NPHS2: variants seen among roughly 807,000 people sequenced by gnomAD.
NPHS2 encodes the protein podocin.
NPHS2 carries 36 observed loss-of-function variants against 37.1 expected under a neutral mutation model. The ratio of observed to expected loss-of-function variants is 0.97; its 90% CI spans 0.74 to 1.28. NPHS2 has a LOEUF of 1.28. NPHS2 is among the 50% of genes most tolerant of loss of function. NPHS2 has a pLI of 0.00. For missense variants in NPHS2, 447 were observed against 488.1 expected (o/e 0.92, Z 0.79); for synonymous variants, 196 against 189.3 (o/e 1.04, Z -0.29).
In NPHS2 at chr1:179,552,418, G is replaced by T. The variant is rs140018411; in HGVS notation, c.873+185C>A. Reference sequence around the variant, plus strand: ...TATTATCAGTAGCTTCAGAGAGGGAGAGGAGTTGCATTAGTCAGGGGACTA... The same window carrying T: ...TATTATCAGTAGCTTCAGAGAGGGATAGGAGTTGCATTAGTCAGGGGACTA... On this transcript the variant is annotated intron_variant, in intron 7 of 7. Transcript: ENST00000367615. The T allele has an allele frequency of 8.0e-5, 51 of 638,346 alleles. 1 individual carries two copies. The highest frequency in any genetic ancestry group is 7.3e-4 in the African/African-American group (41 of 55,802). 39.5% of individuals were successfully genotyped at this position (638,346 alleles called of 1,614,324 possible). A position where few individuals can be genotyped will look rare whatever the true frequency, so the allele number is the denominator to read the frequency against.
chr1:179,562,308 C>T (rs1306456797), intron 2 of NPHS2, among the ~76,000 whole-genome samples: 1 of 152,220 alleles, frequency 6.6e-6, no homozygotes, highest in South Asian at 2.1e-4. Flanking sequence ...AGTTCAATTG[C>T]GTGTTTATCA....
chr1:179,551,625 A>G (rs776869641), intron 7 of NPHS2, 174 bp from the exon 8 acceptor site: 2 of 690,516 alleles, frequency 2.9e-6, no homozygotes, highest in Non-Finnish European at 4.9e-6. Flanking sequence ...GAGACAGATT[A>G]AACTGTTAAT....
Position 179,556,765 on chromosome 1 carries a change from A to G in NPHS2, c.738+262T>C, listed in dbSNP as rs1015726830. On this transcript the variant is annotated intron_variant, in intron 5 of 7. Coordinates refer to ENST00000367615, the MANE Select transcript of NPHS2 (RefSeq NM_014625.4). This position sits in a 1 kb window ranked among gnomAD's most constrained non-coding sequence, Gnocchi z 4.1. ...GCAATCATTCTGAATACTTAATACT[A>G]GGTGAGTACTTGGAGATGAATTTAA... Among the ~76,000 whole-genome samples the G allele has an allele frequency of 6.6e-5, 10 of 152,100 alleles. No homozygotes were observed. The highest frequency in any genetic ancestry group is 2.4e-4 in the African/African-American group (10 of 41,408).
At chr1:179,570,171 A>T (rs2101879664) in intron 1 of NPHS2, among the ~76,000 whole-genome samples, 1 of 152,300 alleles carries the variant, frequency 6.6e-6, no homozygotes, top group African/African-American at 2.4e-5. Flanking sequence ...CATCACTTTC[A>T]GGTACACAAA....
chr1:179,573,406 C>T (rs879705091), intron 1 of NPHS2, among the ~76,000 whole-genome samples: 3 of 152,196 alleles, frequency 2.0e-5, no homozygotes, highest in South Asian at 2.1e-4. Flanking sequence ...GAATACTAGG[C>T]ACTACATCCC....
intron 7 of NPHS2, chr1:179,551,657 T>G: frequency 1.7e-6 from 1 of 597,578 alleles, no homozygotes; most frequent in Non-Finnish European, 3.0e-6. Context: ...GTGGAATGCG[T>G]TAGGAGCCAT....
intron 1 of NPHS2, among the ~76,000 whole-genome samples, chr1:179,574,826 T>C (rs1674693787): frequency 6.6e-6 from 1 of 152,230 alleles, no homozygotes; most frequent in Non-Finnish European, 1.5e-5. Context: ...AGACAAAATT[T>C]TCCCAAGAGT....
In NPHS2 at chr1:179,564,772, C is replaced by A; in HGVS notation, c.296G>T (p.Gly99Val). The A allele has an allele frequency of 6.2e-7, 1 of 1,613,874 alleles. No individual in the cohort carries two copies. The highest frequency in any genetic ancestry group is 8.5e-7 in the Non-Finnish European group (1 of 1,179,918). Residue 99 changes from glycine (G) to valine (V), a missense_variant, in exon 2 of 8, where the codon GGG becomes GTG. Transcript: ENST00000367615. Reference sequence around the variant, plus strand: ...GAGGACAAGAAGCCACTCACAGGCCCCTAAGCCGGAGGATTTGGTACCTTA... The same window carrying A: ...GAGGACAAGAAGCCACTCACAGGCCACTAAGCCGGAGGATTTGGTACCTTA... ...PEEGTKSSGLGACEWLLVLIS... is the reference protein window; with the variant it reads ...PEEGTKSSGLVACEWLLVLIS...
At chr1:179,554,698 T>G (rs1035676445) in intron 5 of NPHS2, 167 bp from the exon 6 acceptor site, 12 of 862,740 alleles carry the variant, frequency 1.4e-5, no homozygotes, top group Non-Finnish European at 1.7e-5. Context: ...GTTGTTTAAC[T>G]TGCATGGTGC....
rs1031260460 is a variant in NPHS2, at chr1:179,575,854, C to T, written c.11G>A (p.Arg4Lys). 1.4e-5 allele frequency: 20 copies of T among 1,424,216 alleles called. No homozygotes were observed. Among genetic ancestry groups the T allele is most frequent in the Non-Finnish European group, 1.7e-5 (19 of 1,098,080 alleles). The allele number at this position is 1,424,216 out of a possible 1,614,324, so 88.2% of individuals were successfully genotyped here. A position where few individuals can be genotyped will look rare whatever the true frequency, so the allele number is the denominator to read the frequency against. Residue 4 changes from arginine (R) to lysine (K), a missense_variant, in exon 1 of 8, where the codon AGG (arginine) becomes AAG (lysine). By Grantham distance (26) the Arg-to-Lys change is conservative. Coordinates refer to ENST00000367615, the MANE Select transcript of NPHS2 (RefSeq NM_014625.4). The part of the protein sequence containing the change: MER[R>K]ARSSSRESRG... Reference sequence around the variant, plus strand: ...GGACTCCCTGGAGGAGCTCCGCGCCCTCCTCTCCATCCTCAGAGCTGCCGG... The same window carrying T: ...GGACTCCCTGGAGGAGCTCCGCGCCTTCCTCTCCATCCTCAGAGCTGCCGG...
chr1:179,556,200 G>T lies in NPHS2; in HGVS notation c.738+827C>A, dbSNP rs142701707. Among the ~76,000 whole-genome samples, 2,730 of 152,310 alleles carry T rather than the reference G, an allele frequency of 0.018. 42 individuals are homozygous for T. Among genetic ancestry groups the T allele is most frequent in the Non-Finnish European group, 0.029 (2,005 of 68,024 alleles). On this transcript the variant is annotated intron_variant, in intron 5 of 7. Transcript: ENST00000367615. This position sits in a 1 kb window ranked among gnomAD's most constrained non-coding sequence, Gnocchi z 4.1. The stretch of plus-strand genomic sequence containing the variant: ...CCCATAAAGCATAATTGCCACCAGT[G>T]CCTTTGATTCTTGGGGTCCCTCTAT...
intron 1 of NPHS2, among the ~76,000 whole-genome samples, chr1:179,570,714 T>C (rs1307817702): frequency 1.3e-5 from 2 of 152,232 alleles, no homozygotes; most frequent in Non-Finnish European, 1.5e-5. Flanking sequence ...AAACATAGAT[T>C]TGGTCTTTTC....
intron 1 of NPHS2, among the ~76,000 whole-genome samples, chr1:179,565,566 TTTG>T (rs1674302817): frequency 6.6e-6 from 1 of 152,182 alleles, no homozygotes; most frequent in Non-Finnish European, 1.5e-5. Context: ...TCTGTTTGTT[TTTG>T]TTGTTGTTTT....
In NPHS2 at chr1:179,559,749, A is replaced by G. The variant is rs1674066966; in HGVS notation, c.464T>C (p.Phe155Ser). ...GRAKGPGLFF[F>S]LPCLDTYHKV... Reference sequence around the variant, plus strand: ...GTGGTAGGTATCCAGGCAGGGCAAAAAAAAGAAAAGACCTAAAAGAGAGGA... The same window carrying G: ...GTGGTAGGTATCCAGGCAGGGCAAAGAAAAGAAAAGACCTAAAAGAGAGGA... Residue 155 changes from phenylalanine to serine, a missense_variant, in exon 4 of 8, where the codon TTT (phenylalanine) becomes TCT (serine). Coordinates refer to ENST00000367615, the MANE Select transcript of NPHS2 (RefSeq NM_014625.4). 4 of 1,584,298 alleles carry G rather than the reference A, an allele frequency of 2.5e-6. No individual in the cohort carries two copies. Among genetic ancestry groups the G allele is most frequent in the Non-Finnish European group, 3.4e-6 (4 of 1,161,932 alleles).
In NPHS2 at chr1:179,551,462, T is replaced by A; in HGVS notation, c.874-11A>T. On this transcript the variant is annotated splice_polypyrimidine_tract_variant and intron_variant, in intron 7 of 7. Coordinates refer to ENST00000367615, the MANE Select transcript of NPHS2 (RefSeq NM_014625.4). Reference sequence around the variant, plus strand: ...TTCTGCAGCAATCATCTAGAAAACATGTGACGAAAGCAAAGTGATTGTTCT... The same window carrying A: ...TTCTGCAGCAATCATCTAGAAAACAAGTGACGAAAGCAAAGTGATTGTTCT... 1.2e-6 allele frequency: 2 copies of A among 1,612,530 alleles called. No homozygotes were observed. Among genetic ancestry groups the A allele is most frequent in the Non-Finnish European group, 8.5e-7 (1 of 1,180,004 alleles).
chr1:179,557,113 C>G lies in NPHS2; in HGVS notation c.652G>C (p.Val218Leu). The G allele has an allele frequency of 6.2e-7, 1 of 1,614,058 alleles. No individual in the cohort carries two copies. The highest frequency in any genetic ancestry group is 8.5e-7 in the Non-Finnish European group (1 of 1,179,998). Residue 218 changes from valine to leucine, a missense_variant, in exon 5 of 8, where the codon GTG becomes CTG. By Grantham distance (32) the Val-to-Leu change is conservative. Transcript: ENST00000367615. ...AHVSKAVQFL[V>L]QTTMKRLLAH... is the part of the protein sequence containing the mutation. ...AGGAGACGCTTCATAGTGGTTTGCA[C>G]AAGGAATTGCACAGCTTTAGATACA... is the stretch of plus-strand genomic sequence containing the variant.
At chr1:179,557,773 G>T (rs1479721600) in intron 4 of NPHS2, among the ~76,000 whole-genome samples, 1 of 152,090 alleles carries the variant, frequency 6.6e-6, no homozygotes, top group African/African-American at 2.4e-5. Flanking sequence ...TAGGGAATTG[G>T]TTGAGTAAAT....
rs901600544 is a variant in NPHS2 at position 179,566,996 on chromosome 1, T to C, written c.275-2203A>G. 2.1e-5 allele frequency among the ~76,000 whole-genome samples: 3 copies of C among 141,782 alleles called. No homozygotes were observed. The South Asian group carries it at 7.3e-4, about 35-fold the overall frequency. The allele number at this position is 141,782 out of a possible 152,430, so 93.0% of individuals were successfully genotyped here. A position where few individuals can be genotyped will look rare whatever the true frequency, so the allele number is the denominator to read the frequency against. ...TGTAGTATAGTTTGAAGTCAGGTAG[T>C]GTGATGCCTCCAGCTTTGTTCCTTT... On this transcript the variant is annotated intron_variant, in intron 1 of 7. Coordinates refer to ENST00000367615, the MANE Select transcript of NPHS2 (RefSeq NM_014625.4).
Position 179,575,727 on chromosome 1 carries a change from C to G in NPHS2, c.138G>C (p.Ser46=), listed in dbSNP as rs1053139144. The change falls in exon 1 of 8, where the codon TCG becomes TCC. Residue 46 remains serine (S), a synonymous_variant. Coordinates refer to ENST00000367615, the MANE Select transcript of NPHS2 (RefSeq NM_014625.4). ...CCGGGGTCCCCGCCCGTCCGGAGCC[C>G]GACGGCTCGGGCCCAGCCTCCTGGC... is the stretch of plus-strand genomic sequence containing the variant. ...RGRQEAGPEP[S]GSGRAGTPGE... The G allele has an allele frequency of 1.3e-6, 2 of 1,539,618 alleles. No individual in the cohort carries two copies. Among genetic ancestry groups the G allele is most frequent in the Non-Finnish European group, 1.7e-6 (2 of 1,147,532 alleles).
Sources: allele counts gnomAD v4.1 joint callset (sites outside exome capture counted in the v4.1 genomes callset), GRCh38; gene constraint gnomAD v4.1.1; non-coding constraint Gnocchi (gnomAD v3.1); transcripts MANE v1.5; gene names NCBI Gene and HGNC (gene_info 2026-07-23, HGNC 2026-07-21).